The following LRRC37A2 variants were observed in gnomAD, a reference collection of about 807,000 sequenced individuals.
The protein encoded by LRRC37A2 is leucine-rich repeat-containing protein 37A2.
A neutral mutation model predicts 68.8 loss-of-function variants in LRRC37A2; 9 were observed. That is an observed-to-expected ratio of 0.13 (90% CI 0.08 to 0.23). The LOEUF (loss-of-function observed/expected upper bound fraction) is 0.23, where lower values mean the gene tolerates loss of function less well. Among genes scored for constraint, LRRC37A2 ranks in the 10% least tolerant of loss-of-function variants. The pLI is 1.00. For missense variants in LRRC37A2, 168 were observed against 950.4 expected (o/e 0.18, Z 10.82); for synonymous variants, 63 against 367.6 (o/e 0.17, Z 9.48).
the LRRC37A2 span, chr17:46,941,803 C>A: frequency 3.5e-6 from 1 of 282,328 alleles, no homozygotes; most frequent in Non-Finnish European, 5.3e-6. Context: ...CCAGATTGGT[C>A]TTAAACTCCT....
exon 10 of LRRC37A2, chr17:46,549,156 A>T (rs753875943): frequency 5.0e-6 from 8 of 1,611,540 alleles, no homozygotes; most frequent in Admixed American, 1.7e-5. Context: ...TGATGCTCGC[A>T]AACAGGCTTC....
At chr17:46,818,951 G>A in the LRRC37A2 span, among the ~76,000 whole-genome samples, 1 of 152,170 alleles carries the variant, frequency 6.6e-6, no homozygotes, top group Non-Finnish European at 1.5e-5. Context: ...GGGGGGACGC[G>A]GTGGGCCGGA....
the LRRC37A2 span, chr17:46,931,218 A>AC: frequency 6.6e-6 from 8 of 1,203,732 alleles, no homozygotes; most frequent in Non-Finnish European, 9.9e-6. Flanking sequence ...GTAAGTGCTG[A>AC]CCTCTGACAT....
the LRRC37A2 span, chr17:46,763,599 AT>A: frequency 3.3e-5 from 5 of 152,162 alleles, no homozygotes; most frequent in African/African-American, 1.2e-4. Context: ...CAAAGTTGGA[AT>A]TTCAGGAATT....
the LRRC37A2 span, among the ~76,000 whole-genome samples, chr17:46,731,763 G>A: frequency 1.3e-5 from 2 of 152,126 alleles, no homozygotes; most frequent in Admixed American, 6.6e-5. Context: ...AATACCATCT[G>A]GTCATTAATC....
the LRRC37A2 span, among the ~76,000 whole-genome samples, chr17:46,852,680 A>G: frequency 6.6e-5 from 10 of 152,064 alleles, no homozygotes; most frequent in African/African-American, 2.2e-4. Flanking sequence ...GCCAACTCCA[A>G]TATGTACAGC....
chr17:46,934,904 T>G, the LRRC37A2 span: 3 of 830,586 alleles, frequency 3.6e-6, no homozygotes, highest in Non-Finnish European at 6.2e-6. Flanking sequence ...TCCATTAGGG[T>G]CCGCTGATTC....
At chr17:46,987,345 C>T in the LRRC37A2 span, among the ~76,000 whole-genome samples, 10 of 152,006 alleles carry the variant, frequency 6.6e-5, no homozygotes, top group Admixed American at 3.3e-4. Context: ...GGCATGTGGG[C>T]GCCAGGACGC....
chr17:46,930,372 CTTTG>C, the LRRC37A2 span: 1 of 152,380 alleles, frequency 6.6e-6, no homozygotes. Context: ...GTTCATCGGA[CTTTG>C]TTTGCCTTCT....
chr17:46,500,820 C>G, the LRRC37A2 span, among the ~76,000 whole-genome samples: 11 of 150,996 alleles, frequency 7.3e-5, no homozygotes, highest in African/African-American at 2.7e-4. Context: ...AATAACCTAT[C>G]AGATTATAGG....
the LRRC37A2 span, among the ~76,000 whole-genome samples, chr17:46,912,450 T>C: frequency 6.6e-6 from 1 of 152,224 alleles, no homozygotes; most frequent in Non-Finnish European, 1.5e-5. Flanking sequence ...CCTTTTATCC[T>C]GTTTACAATA....
At chr17:46,754,768 A>C in the LRRC37A2 span, among the ~76,000 whole-genome samples, 1 of 152,248 alleles carries the variant, frequency 6.6e-6, no homozygotes, top group Non-Finnish European at 1.5e-5. Flanking sequence ...TTCAGGAATC[A>C]GCAGTACTCT....
the LRRC37A2 span, among the ~76,000 whole-genome samples, chr17:47,001,441 T>A: frequency 6.6e-6 from 1 of 152,196 alleles, no homozygotes; most frequent in Non-Finnish European, 1.5e-5. Context: ...GACTTCCTTT[T>A]TATAAAATGT....
At chr17:46,896,341 GAAAGAAAGAAAGAA>G in the LRRC37A2 span, among the ~76,000 whole-genome samples, 3 of 146,716 alleles carry the variant, frequency 2.0e-5, no homozygotes, top group East Asian at 2.0e-4. Context: ...GAGAGAGAGA[GAAAGAAAGAAAGAA>G]AAAGAAAGAA....
the LRRC37A2 span, among the ~76,000 whole-genome samples, chr17:46,841,716 C>T: frequency 6.6e-6 from 1 of 152,088 alleles, no homozygotes; most frequent in African/African-American, 2.4e-5. Flanking sequence ...CTGGGGAGTG[C>T]GGGGTAGATG....
the LRRC37A2 span, chr17:46,936,591 GC>G: frequency 1.0e-6 from 1 of 985,490 alleles, no homozygotes; most frequent in Non-Finnish European, 1.2e-6. Flanking sequence ...GCATGAAGGG[GC>G]TAGGCTGAAG....
the LRRC37A2 span, among the ~76,000 whole-genome samples, chr17:46,743,466 C>T: frequency 2.8e-4 from 43 of 152,268 alleles, no homozygotes; most frequent in Admixed American, 1.5e-3. Context: ...ATTTTCTCAT[C>T]GCATATTTAT....
At chr17:46,946,324 G>T in the LRRC37A2 span, among the ~76,000 whole-genome samples, 1 of 151,192 alleles carries the variant, frequency 6.6e-6, no homozygotes, top group Non-Finnish European at 1.5e-5. Flanking sequence ...TGCCAGGAGT[G>T]GTGGCGCATG....
chr17:46,382,076 C>T, the LRRC37A2 span, among the ~76,000 whole-genome samples: 4 of 141,100 alleles, frequency 2.8e-5, no homozygotes, highest in Admixed American at 7.3e-5. Context: ...GTCGGGAGTT[C>T]GAGACCAGCC....
Sources: allele counts gnomAD v4.1 joint callset (sites outside exome capture counted in the v4.1 genomes callset), GRCh38; gene constraint gnomAD v4.1.1; transcripts MANE v1.5; gene names NCBI Gene and HGNC (gene_info 2026-07-23, HGNC 2026-07-21).